Variants in NFILZ observed in about 807,000 individuals in gnomAD.
NFILZ encodes NFIL3 like basic leucine zipper.
chr19:8,651,101 CA>C (rs1173562875), intron 3 of NFILZ, among the ~76,000 whole-genome samples: 3 of 152,270 alleles, frequency 2.0e-5, no homozygotes, highest in Non-Finnish European at 4.4e-5. Flanking sequence ...TCCATTACCC[CA>C]AACATTTATT....
At chr19:8,668,529 A>C (rs1359251893) in intron 3 of NFILZ, among the ~76,000 whole-genome samples, 1 of 152,204 alleles carries the variant, frequency 6.6e-6, no homozygotes, top group Non-Finnish European at 1.5e-5. Context: ...TTCAAGATTA[A>C]ACTGATATTC....
chr19:8,652,212 C>T (rs1414592705), intron 3 of NFILZ, among the ~76,000 whole-genome samples: 1 of 151,766 alleles, frequency 6.6e-6, no homozygotes, highest in Non-Finnish European at 1.5e-5. Flanking sequence ...ACGCCATTCT[C>T]CTGCCTCAGG....
At chr19:8,647,581 C>T (rs868967075) in intron 3 of NFILZ, among the ~76,000 whole-genome samples, 3 of 148,356 alleles carry the variant, frequency 2.0e-5, no homozygotes, top group South Asian at 4.4e-4. Context: ...CCCGCACCCC[C>T]CCCCCCAAAA....
At chr19:8,660,602 T>C (rs1600149970) in intron 3 of NFILZ, among the ~76,000 whole-genome samples, 1 of 115,312 alleles carries the variant, frequency 8.7e-6, no homozygotes, top group African/African-American at 3.3e-5. Context: ...CTTCCTTCCC[T>C]CCTTCCTTCT....
Position 8,663,750 on chromosome 19 carries a change from G to GTGTGTGTGTGTGTGTGTATGTGTGTA in NFILZ, c.-163-10784_-163-10783insATGTGTGTATGTGTGTGTGTGTGTGT, listed in dbSNP as rs2043047234. Among the ~76,000 whole-genome samples, 603 of 137,020 alleles carry GTGTGTGTGTGTGTGTGTATGTGTGTA rather than the reference G, an allele frequency of 4.4e-3. 4 individuals carry two copies. Among genetic ancestry groups the GTGTGTGTGTGTGTGTGTATGTGTGTA allele is most frequent in the South Asian group, 6.6e-3 (28 of 4,244 alleles). The allele number at this position is 137,020 out of a possible 152,430, so 89.9% of individuals were successfully genotyped here. ...TGTGTGTGTGTGTGTGTGTGTGTGT[G>GTGTGTGTGTGTGTGTGTATGTGTGTA]TGTGTGTGTGTGTGTGTGTGTATGT... On this transcript the variant is annotated intron_variant, in intron 3 of 5. Coordinates refer to ENST00000691075, the MANE Select transcript of NFILZ (RefSeq NM_001378600.1).
At chr19:8,670,506 G>GTGAA (rs782423127) in intron 3 of NFILZ, among the ~76,000 whole-genome samples, 2 of 152,224 alleles carry the variant, frequency 1.3e-5, no homozygotes, top group Non-Finnish European at 2.9e-5. Flanking sequence ...ATGTGAGTGA[G>GTGAA]TGAATGAATG....
chr19:8,647,601 G>A (rs900040332), intron 3 of NFILZ, among the ~76,000 whole-genome samples: 3 of 147,506 alleles, frequency 2.0e-5, no homozygotes, highest in Non-Finnish European at 4.5e-5. Context: ...AAAAGGGAAC[G>A]AGATCATGTC....
intron 3 of NFILZ, among the ~76,000 whole-genome samples, chr19:8,663,067 C>T (rs928327065): frequency 6.6e-6 from 1 of 151,908 alleles, no homozygotes; most frequent in South Asian, 2.1e-4. Flanking sequence ...CACGCCTCAG[C>T]CTCCTAAGTA....
At chr19:8,664,339 C>T (rs904452819) in intron 3 of NFILZ, among the ~76,000 whole-genome samples, 1 of 152,136 alleles carries the variant, frequency 6.6e-6, no homozygotes, top group African/African-American at 2.4e-5. Context: ...TTGGCCTCAC[C>T]GGCTCTGGAC....
chr19:8,656,496 C>CTGAAG lies in NFILZ; in HGVS notation c.-163-18055_-163-18054insTGAAG, dbSNP rs1489032494. Among the ~76,000 whole-genome samples the CTGAAG allele has an allele frequency of 8.7e-4, 87 of 99,878 alleles. 11 individuals are homozygous for CTGAAG. Among genetic ancestry groups the CTGAAG allele is most frequent in the African/African-American group, 3.2e-3 (74 of 23,478 alleles). The allele number at this position is 99,878 out of a possible 152,430, so 65.5% of individuals were successfully genotyped here. On this transcript the variant is annotated intron_variant, in intron 3 of 5. Coordinates refer to ENST00000691075, the MANE Select transcript of NFILZ (RefSeq NM_001378600.1). ...ACCTTCTCCCGCAGCCCACCTTCTC[C>CTGAAG]CGCAGCCCACCTTCTCCTGCAGCCC...
intron 3 of NFILZ, among the ~76,000 whole-genome samples, chr19:8,643,626 T>C (rs528986999): frequency 3.9e-4 from 60 of 152,304 alleles, no homozygotes; most frequent in African/African-American, 1.4e-3. Context: ...AACTGTGGAA[T>C]AGGGACATTG....
chr19:8,641,858 C>T (rs782464034), intron 3 of NFILZ, among the ~76,000 whole-genome samples: 20 of 151,396 alleles, frequency 1.3e-4, no homozygotes, highest in Non-Finnish European at 2.8e-4. Context: ...GAGCTTCTCA[C>T]TCTGTTGCCC....
intron 3 of NFILZ, among the ~76,000 whole-genome samples, chr19:8,671,952 G>C (rs2043089028): frequency 6.6e-6 from 1 of 152,230 alleles, no homozygotes. Flanking sequence ...GGAAGACCCA[G>C]GCCCAGCCCT....
chr19:8,630,787 G>A (rs904158490), intron 1 of NFILZ, 43 bp downstream of exon 1: 1 of 152,286 alleles, frequency 6.6e-6, no homozygotes, highest in African/African-American at 2.4e-5. Flanking sequence ...CATGCCTTGG[G>A]TGGGACATTT....
intron 3 of NFILZ, among the ~76,000 whole-genome samples, chr19:8,650,925 T>A (rs1424540617): frequency 6.6e-6 from 1 of 152,222 alleles, no homozygotes; most frequent in African/African-American, 2.4e-5. Flanking sequence ...GAAATTCCCA[T>A]GTACAGAGGC....
At chr19:8,652,969 CT>C (rs2042971896) in intron 3 of NFILZ, among the ~76,000 whole-genome samples, 2 of 113,960 alleles carry the variant, frequency 1.8e-5, no homozygotes, top group Non-Finnish European at 3.5e-5. Flanking sequence ...CCTTCCTTCC[CT>C]CCTTCCTTCC....
At chr19:8,671,408 C>T (rs1350648364) in intron 3 of NFILZ, among the ~76,000 whole-genome samples, 1 of 151,762 alleles carries the variant, frequency 6.6e-6, no homozygotes, top group African/African-American at 2.4e-5. Flanking sequence ...GTGTAGGGGG[C>T]GGTGGTTAGG....
chr19:8,675,644 G>A (rs1193889574), intron 4 of NFILZ, among the ~76,000 whole-genome samples: 5 of 152,178 alleles, frequency 3.3e-5, no homozygotes, highest in Admixed American at 3.3e-4. Flanking sequence ...GCATACAAGT[G>A]TAGTCCCAGC....
In NFILZ at chr19:8,665,702, C is replaced by T. The variant is rs1282275320; in HGVS notation, c.-163-8849C>T. On this transcript the variant is annotated intron_variant, in intron 3 of 5. Coordinates refer to ENST00000691075, the MANE Select transcript of NFILZ (RefSeq NM_001378600.1). Reference sequence around the variant, plus strand: ...GGTATACCTTCTAGGTACACAAGTGCCCATCTTACTGCATCCTTGCTAGCA... The same window carrying T: ...GGTATACCTTCTAGGTACACAAGTGTCCATCTTACTGCATCCTTGCTAGCA... Among the ~76,000 whole-genome samples, 4 of 152,260 alleles carry T rather than the reference C, an allele frequency of 2.6e-5. No individual in the cohort carries two copies. In the East Asian group the frequency reaches 7.7e-4, roughly 29 times the overall value.
Sources: allele counts gnomAD v4.1 joint callset (sites outside exome capture counted in the v4.1 genomes callset), GRCh38; gene constraint gnomAD v4.1.1; transcripts MANE v1.5; gene names NCBI Gene and HGNC (gene_info 2026-07-23, HGNC 2026-07-21).